Variants in CDK18 observed in about 807,000 individuals in gnomAD.
CDK18 encodes cyclin dependent kinase 18.
A neutral mutation model predicts 62.0 loss-of-function variants in CDK18; 52 were observed. The observed-to-expected ratio is 0.84, with a 90% CI of 0.67 to 1.06. The LOEUF (loss-of-function observed/expected upper bound fraction) is 1.06, where lower values mean the gene tolerates loss of function less well. CDK18 is among the 50% of genes least tolerant of loss of function. The pLI is 0.00. For synonymous variants in CDK18, 237 were observed against 247.0 expected, an observed-to-expected ratio of 0.96 and a Z score of 0.38; for missense variants, 604 against 619.9, an observed-to-expected ratio of 0.97 and a Z score of 0.27.
chr1:205,518,704 C>A (rs1289715681), intron 1 of CDK18, among the ~76,000 whole-genome samples: 2 of 152,200 alleles, frequency 1.3e-5, no homozygotes, highest in Non-Finnish European at 2.9e-5. Flanking sequence ...TGAGCGTCTT[C>A]CCCTGCTAAC....
rs1463482571 is a variant in CDK18 at position 205,516,040 on chromosome 1, C to T, written c.-21-7107C>T. Among the ~76,000 whole-genome samples the T allele has an allele frequency of 1.3e-5, 2 of 152,246 alleles. No homozygotes were observed. Among genetic ancestry groups the T allele is most frequent in the Middle Eastern group, 3.4e-3 (1 of 292 alleles). On this transcript the variant is annotated intron_variant, in intron 1 of 15. Coordinates refer to ENST00000429964, the MANE Select transcript of CDK18 (RefSeq NM_212502.3). This position sits in a 1 kb window ranked among gnomAD's most constrained non-coding sequence, Gnocchi z 4.8. ...GCAAGGTTGTGAGGAGGCCCCAAGG[C>T]TTCTGCTGCTGACGCCGCCACAGCT...
At chr1:205,515,543 C>T (rs1386394686) in intron 1 of CDK18, among the ~76,000 whole-genome samples, 9 of 152,102 alleles carry the variant, frequency 5.9e-5, no homozygotes, top group Non-Finnish European at 1.2e-4. Flanking sequence ...AAGTCTAGGA[C>T]GCTGATGGCA....
chr1:205,525,035 A>G, intron 4 of CDK18, 104 bp from the exon 5 acceptor site: 1 of 650,652 alleles, frequency 1.5e-6, no homozygotes, highest in Non-Finnish European at 2.8e-6. Context: ...TCCACCATGG[A>G]GTCTCATCCC....
In CDK18 at chr1:205,527,113, T is replaced by C; in HGVS notation, c.729+276T>C. On this transcript the variant is annotated intron_variant, in intron 8 of 15. Coordinates refer to ENST00000429964, the MANE Select transcript of CDK18 (RefSeq NM_212502.3). This position sits in a 1 kb window ranked among gnomAD's most constrained non-coding sequence, Gnocchi z 4.1. ...AGTTTCCCAGTCTGTCAAATGGGAG[T>C]GTGAGCTACCTGCCAAAATGCAGGG... 1 of 452,896 alleles carries C rather than the reference T, an allele frequency of 2.2e-6. No individual in the cohort carries two copies. The highest frequency in any genetic ancestry group is 4.0e-6 in the Non-Finnish European group (1 of 252,412). The allele number at this position is 452,896 out of a possible 1,614,324, so 28.1% of individuals were successfully genotyped here.
rs775371636 is a variant in CDK18 at position 205,529,225 on chromosome 1, C to T, written c.1073-99C>T. 5.0e-4 allele frequency: 675 copies of T among 1,360,398 alleles called. 1 individual carries two copies. Among genetic ancestry groups the T allele is most frequent in the Non-Finnish European group, 6.7e-4 (654 of 977,212 alleles). 84.3% of individuals were successfully genotyped at this position (1,360,398 alleles called of 1,614,324 possible). On this transcript the variant is annotated intron_variant, in intron 11 of 15. Coordinates refer to ENST00000429964, the MANE Select transcript of CDK18 (RefSeq NM_212502.3). ...CCCGGGCGGGGACCCCCTGTGGCCT[C>T]GGCCATCTTTGCTCCCACCTCATAC...
chr1:205,518,360 C>T (rs887267010), intron 1 of CDK18, among the ~76,000 whole-genome samples: 2 of 152,202 alleles, frequency 1.3e-5, no homozygotes, highest in African/African-American at 4.8e-5. Context: ...TGGCATGCAG[C>T]AGGTGTTCAA....
intron 11 of CDK18, 112 bp from the exon 12 acceptor site, chr1:205,529,212 C>A (rs1558786081): frequency 6.8e-6 from 9 of 1,325,394 alleles, no homozygotes; most frequent in Non-Finnish European, 9.5e-6. Context: ...CGGGCGGGGA[C>A]CCCCTGTGGC....
At chr1:205,518,178 CA>C (rs1190551819) in intron 1 of CDK18, among the ~76,000 whole-genome samples, 3 of 152,194 alleles carry the variant, frequency 2.0e-5, no homozygotes, top group African/African-American at 7.2e-5. Flanking sequence ...GCACTTCCCA[CA>C]CCTTCCCTCT....
chr1:205,529,163 G>A, intron 11 of CDK18, 67 bp downstream of exon 11: 5 of 1,445,104 alleles, frequency 3.5e-6, no homozygotes, highest in Non-Finnish European at 4.8e-6. Flanking sequence ...GCCCAGGCGC[G>A]GAGCGGGACG....
At chr1:205,521,719 C>T (rs974052940) in intron 1 of CDK18, among the ~76,000 whole-genome samples, 3 of 152,236 alleles carry the variant, frequency 2.0e-5, no homozygotes, top group South Asian at 2.1e-4. Flanking sequence ...CAGGAGCATG[C>T]GCTGCCAGAC....
At chr1:205,522,005 G>A (rs1668152883) in intron 1 of CDK18, among the ~76,000 whole-genome samples, 1 of 152,198 alleles carries the variant, frequency 6.6e-6, no homozygotes. Flanking sequence ...GGAAGCCCTT[G>A]TGAGGCCTCA....
chr1:205,524,791 A>G (rs755623425), intron 4 of CDK18, among the ~76,000 whole-genome samples: 17 of 152,216 alleles, frequency 1.1e-4, no homozygotes, highest in Non-Finnish European at 2.4e-4. Flanking sequence ...CTGATGAGAG[A>G]CACAGTCAGA....
At chr1:205,519,937 C>T (rs540010859) in intron 1 of CDK18, among the ~76,000 whole-genome samples, 18 of 152,292 alleles carry the variant, frequency 1.2e-4, no homozygotes, top group South Asian at 2.1e-4. Flanking sequence ...GACTGCAGGA[C>T]GGTTTTATGG....
chr1:205,519,248 C>T (rs915403356), intron 1 of CDK18, among the ~76,000 whole-genome samples: 5 of 152,186 alleles, frequency 3.3e-5, no homozygotes, highest in Admixed American at 1.3e-4. Flanking sequence ...AGCTGACTCT[C>T]CCAAGGGAAA....
rs1667895495 is a variant in CDK18, at chr1:205,517,781, A to G, written c.-21-5366A>G. On this transcript the variant is annotated intron_variant, in intron 1 of 15. Coordinates refer to ENST00000429964, the MANE Select transcript of CDK18 (RefSeq NM_212502.3). This position sits in a 1 kb window ranked among gnomAD's most constrained non-coding sequence, Gnocchi z 4.1. ...CCCCCCGCTGGTCCCAGCCACCATC[A>G]AGCTCTCTCCCCTGGGCCTCAGCAG... Among the ~76,000 whole-genome samples, 1 of 151,746 alleles carries G rather than the reference A, an allele frequency of 6.6e-6. No individual in the cohort carries two copies. Among genetic ancestry groups the G allele is most frequent in the South Asian group, 2.1e-4 (1 of 4,788 alleles).
chr1:205,508,353 A>G (rs1266735951), intron 1 of CDK18, among the ~76,000 whole-genome samples: 1 of 152,212 alleles, frequency 6.6e-6, no homozygotes, highest in Non-Finnish European at 1.5e-5. Context: ...CTGCATGCAC[A>G]TGCACACACA....
At chr1:205,512,398 A>G (rs1185722273) in intron 1 of CDK18, among the ~76,000 whole-genome samples, 1 of 152,244 alleles carries the variant, frequency 6.6e-6, no homozygotes, top group African/African-American at 2.4e-5. Context: ...GGCCCAGGAC[A>G]GTGCCTGGCG....
intron 1 of CDK18, among the ~76,000 whole-genome samples, chr1:205,513,178 A>G (rs1392461107): frequency 6.6e-6 from 1 of 152,236 alleles, no homozygotes; most frequent in African/African-American, 2.4e-5. Flanking sequence ...TCTCAAAAAC[A>G]CAGGACAGTT....
chr1:205,529,775 T>G, intron 13 of CDK18: 1 of 1,503,362 alleles, frequency 6.7e-7, no homozygotes, highest in Admixed American at 2.0e-5. Context: ...GTTACTTAGC[T>G]GTGTAGCTCT....
Sources: gnomAD v4.1 joint callset for allele counts (sites outside exome capture counted in the v4.1 genomes callset) on GRCh38, gnomAD v4.1.1 for gene constraint, Gnocchi (gnomAD v3.1) non-coding constraint, MANE v1.5 for transcripts, NCBI Gene and HGNC (gene_info 2026-07-23, HGNC 2026-07-21) for gene names.